Variants in GPR158 observed in about 807,000 individuals in gnomAD.
GPR158 encodes metabotropic glycine receptor.
Under a neutral mutation model 78.2 loss-of-function variants are expected in GPR158, and 30 were observed. The ratio of observed to expected loss-of-function variants is 0.38; its 90% confidence interval spans 0.29 to 0.52. The LOEUF is 0.52. Ranked by LOEUF, GPR158 falls within the 20% of genes least tolerant of loss-of-function variation. The probability of loss-of-function intolerance (pLI) is 0.83; values close to 1 mark genes in which losing one functional copy is unlikely to be tolerated. For missense variants in GPR158, 1,463 were observed against 1,523.5 expected (o/e 0.96, Z 0.66); for synonymous variants, 581 against 591.1 (o/e 0.98, Z 0.25).
chr10:25,498,456 C>T (rs757843165), intron 5 of GPR158, among the ~76,000 whole-genome samples: 9 of 152,170 alleles, frequency 5.9e-5, no homozygotes, highest in African/African-American at 1.7e-4. Flanking sequence ...TTGAGTCCTA[C>T]ATCAAGGGAT....
In GPR158 at chr10:25,439,408, G is replaced by A. The variant is rs761375287; in HGVS notation, c.1335+26935G>A. On this transcript the variant is annotated intron_variant, in intron 4 of 10. Transcript: ENST00000376351. Reference sequence around the variant, plus strand: ...ACTGGGTCCCTCCCACAATACGTGGGAATTATAGGAATACAATTCAAGATG... The same window carrying A: ...ACTGGGTCCCTCCCACAATACGTGGAAATTATAGGAATACAATTCAAGATG... Among the ~76,000 whole-genome samples the A allele has an allele frequency of 1.3e-5, 2 of 152,266 alleles. 1 individual carries two copies. The highest frequency in any genetic ancestry group is 4.1e-4 in the South Asian group (2 of 4,820).
At chr10:25,543,718 G>A (rs1836621240) in intron 5 of GPR158, among the ~76,000 whole-genome samples, 1 of 152,120 alleles carries the variant, frequency 6.6e-6, no homozygotes, top group Non-Finnish European at 1.5e-5. Flanking sequence ...GTGAGAACAT[G>A]CAGGAATTTT....
At chr10:25,404,784 G>T (rs1834489994) in intron 3 of GPR158, among the ~76,000 whole-genome samples, 1 of 152,054 alleles carries the variant, frequency 6.6e-6, no homozygotes, top group Non-Finnish European at 1.5e-5. Flanking sequence ...AAGCAGAATA[G>T]AATAAAACAG....
chr10:25,376,817 T>C (rs1312606214), intron 2 of GPR158, among the ~76,000 whole-genome samples: 3 of 151,702 alleles, frequency 2.0e-5, no homozygotes, highest in Non-Finnish European at 4.4e-5. Context: ...CCCTAATTTA[T>C]TGTCACCTTA....
At chr10:25,207,761 T>A (rs1216126749) in intron 1 of GPR158, among the ~76,000 whole-genome samples, 1 of 152,190 alleles carries the variant, frequency 6.6e-6, no homozygotes, top group Non-Finnish European at 1.5e-5. Context: ...CTAGGTTGAC[T>A]TTATATGATT....
At chr10:25,370,061 T>A (rs1446171673) in intron 2 of GPR158, among the ~76,000 whole-genome samples, 1 of 148,764 alleles carries the variant, frequency 6.7e-6, no homozygotes, top group Non-Finnish European at 1.5e-5. Flanking sequence ...TCTCTCTTTT[T>A]TTCTTTATTA....
chr10:25,314,862 CATAT>C lies in GPR158; in HGVS notation c.1009-81028_1009-81025del, dbSNP rs67847605. On this transcript the variant is annotated intron_variant, in intron 2 of 10. Transcript: ENST00000376351. ...ACACGTATATACATACACACACTGTCATATATATATATATATATATATATGACTA... is the reference window on the plus strand; with the variant it reads ...ACACGTATATACATACACACACTGTCATATATATATATATATATATGACTA... Among the ~76,000 whole-genome samples the C allele has an allele frequency of 2.3e-4, 26 of 111,378 alleles. No homozygotes were observed. The East Asian group carries it at 3.4e-3, about 15-fold the overall frequency. 73.1% of individuals were successfully genotyped at this position (111,378 alleles called of 152,430 possible).
chr10:25,592,535 T>A (rs551718773), intron 8 of GPR158, among the ~76,000 whole-genome samples: 3 of 152,142 alleles, frequency 2.0e-5, no homozygotes, highest in South Asian at 4.1e-4. Context: ...AACCCAGTTT[T>A]TCTCAAAATA....
intron 2 of GPR158, among the ~76,000 whole-genome samples, chr10:25,285,817 A>G (rs986306047): frequency 6.6e-6 from 1 of 152,218 alleles, no homozygotes; most frequent in African/African-American, 2.4e-5. Flanking sequence ...ATTTACAGGT[A>G]TGCTGGCAAA....
intron 2 of GPR158, among the ~76,000 whole-genome samples, chr10:25,305,129 C>T (rs150160316): frequency 6.6e-6 from 1 of 152,182 alleles, no homozygotes. Flanking sequence ...CCCTATCTCC[C>T]TGTAGAACTT....
chr10:25,510,745 C>T (rs76659472), intron 5 of GPR158, among the ~76,000 whole-genome samples: 5,581 of 152,202 alleles, frequency 0.037, 355 homozygotes, highest in African/African-American at 0.13. Context: ...ATCATTCTTA[C>T]GCCTTTGCAT....
intron 2 of GPR158, among the ~76,000 whole-genome samples, chr10:25,240,108 T>G (rs16925488): frequency 0.018 from 2,686 of 152,282 alleles, 62 homozygotes; most frequent in African/African-American, 0.052. Flanking sequence ...GTCATTTCAG[T>G]CTTAAAGTCA....
intron 2 of GPR158, among the ~76,000 whole-genome samples, chr10:25,350,066 G>A (rs1855437030): frequency 6.6e-6 from 1 of 151,840 alleles, no homozygotes; most frequent in South Asian, 2.1e-4. Context: ...GGAGTGCTAG[G>A]GGGATAGGGG....
intron 4 of GPR158, among the ~76,000 whole-genome samples, chr10:25,435,272 G>T (rs1834983471): frequency 6.6e-6 from 1 of 152,132 alleles, no homozygotes; most frequent in Non-Finnish European, 1.5e-5. Flanking sequence ...TATAAATAAT[G>T]CTAAGTGACA....
In GPR158 at chr10:25,412,262, A is replaced by G; in HGVS notation, c.1124A>G (p.Asp375Gly). ...PVNNFRRRGP[D>G]QHISGSTKDV... ...TTGGAACTTTCAGGAAGGGGTCCGG[A>G]TCAGCATATTTCAGGAAGTACAAAA... Residue 375 changes from aspartate (D) to glycine (G), a missense_variant, in exon 4 of 11, where the codon GAT (aspartate) becomes GGT (glycine). Physicochemically the swap from Asp to Gly is moderately conservative, Grantham distance 94. Transcript: ENST00000376351. 6.2e-7 allele frequency: 1 copy of G among 1,613,636 alleles called. No homozygotes were observed. Among genetic ancestry groups the G allele is most frequent in the Non-Finnish European group, 8.5e-7 (1 of 1,179,538 alleles).
At position 25,572,907 on chromosome 10, in the gene GPR158, G is replaced by T. The variant is rs759360904; in HGVS notation, c.1753+20G>T. 1.5e-6 allele frequency: 2 copies of T among 1,361,592 alleles called. No individual in the cohort carries two copies. The highest frequency in any genetic ancestry group is 1.4e-5 in the African/African-American group (1 of 70,114). 84.3% of individuals were successfully genotyped at this position (1,361,592 alleles called of 1,614,324 possible). A position where few individuals can be genotyped will look rare whatever the true frequency, so the allele number is the denominator to read the frequency against. ...CAGTTGGTATGTGGTCACTTGTTTCGTATGATGGTCTTACCATTTTTCAGT... is the reference window on the plus strand; with the variant it reads ...CAGTTGGTATGTGGTCACTTGTTTCTTATGATGGTCTTACCATTTTTCAGT... On this transcript the variant is annotated intron_variant, in intron 7 of 10. Coordinates refer to ENST00000376351, the MANE Select transcript of GPR158 (RefSeq NM_020752.3).
rs1296977803 is a variant in GPR158, at chr10:25,176,749, G to A, written c.902+427G>A. The stretch of plus-strand genomic sequence containing the variant: ...CAGATGAGAGGCGAAAAGGGAGCAG[G>A]AGGAACAGAGAGTTCCTTGTTTCTG... On this transcript the variant is annotated intron_variant, in intron 1 of 10. Coordinates refer to ENST00000376351, the MANE Select transcript of GPR158 (RefSeq NM_020752.3). The surrounding 1 kb of genome is among the most constrained non-coding windows in gnomAD (Gnocchi z 6.3). 6.6e-6 allele frequency among the ~76,000 whole-genome samples: 1 copy of A among 152,248 alleles called. No homozygotes were observed. Among genetic ancestry groups the A allele is most frequent in the Non-Finnish European group, 1.5e-5 (1 of 68,044 alleles).
At chr10:25,408,066 G>A (rs1292125741) in intron 3 of GPR158, among the ~76,000 whole-genome samples, 1 of 152,160 alleles carries the variant, frequency 6.6e-6, no homozygotes, top group Non-Finnish European at 1.5e-5. Context: ...GCTGATGTGG[G>A]TGAAGTTTCA....
At chr10:25,284,107 C>T (rs1287021058) in intron 2 of GPR158, among the ~76,000 whole-genome samples, 9 of 152,046 alleles carry the variant, frequency 5.9e-5, no homozygotes, top group Non-Finnish European at 1.2e-4. Flanking sequence ...GTAGAGTGTT[C>T]TATGAATGAC....
Sources: allele counts gnomAD v4.1 joint callset (sites outside exome capture counted in the v4.1 genomes callset), GRCh38; gene constraint gnomAD v4.1.1; non-coding constraint Gnocchi (gnomAD v3.1); transcripts MANE v1.5; gene names NCBI Gene and HGNC (gene_info 2026-07-23, HGNC 2026-07-21).